DPP10: variants seen among roughly 807,000 people sequenced by gnomAD.
DPP10 encodes inactive dipeptidyl peptidase 10.
DPP10 carries 33 observed loss-of-function variants against 120.9 expected under a neutral mutation model. The observed-to-expected ratio is 0.27, with a 90% CI of 0.21 to 0.37. DPP10 has a LOEUF of 0.37. Among genes scored for constraint, DPP10 ranks in the 10% least tolerant of loss-of-function variants. The pLI is 1.00. For synonymous variants in DPP10, 337 were observed against 326.1 expected, an observed-to-expected ratio of 1.03 and a Z score of -0.36; for missense variants, 816 against 942.8, an observed-to-expected ratio of 0.87 and a Z score of 1.76.
At chr2:114,505,600 ACTC>A (rs1057379025) in intron 1 of DPP10, among the ~76,000 whole-genome samples, 2 of 151,980 alleles carry the variant, frequency 1.3e-5, no homozygotes, top group African/African-American at 4.8e-5. Context: ...CATGTCCTGA[ACTC>A]CTTCAAACTG....
chr2:115,484,295 T>A (rs2105295041), intron 3 of DPP10, among the ~76,000 whole-genome samples: 1 of 152,064 alleles, frequency 6.6e-6, no homozygotes, highest in Admixed American at 6.6e-5. Flanking sequence ...ATAAACATAG[T>A]TATTATGAAT....
chr2:114,610,580 A>G (rs1305160790), intron 1 of DPP10, among the ~76,000 whole-genome samples: 3 of 152,148 alleles, frequency 2.0e-5, no homozygotes, highest in Non-Finnish European at 4.4e-5. Flanking sequence ...GCTTACTTTA[A>G]GTAGCAGAAT....
intron 1 of DPP10, among the ~76,000 whole-genome samples, chr2:115,009,929 C>T (rs898642290): frequency 3.9e-5 from 6 of 152,082 alleles, no homozygotes; most frequent in Non-Finnish European, 5.9e-5. Context: ...ATGATAAGTA[C>T]TGTAACAGTG....
At chr2:114,499,226 T>C (rs1488478953) in intron 1 of DPP10, among the ~76,000 whole-genome samples, 1 of 152,184 alleles carries the variant, frequency 6.6e-6, no homozygotes, top group East Asian at 1.9e-4. Context: ...AATGACTGCT[T>C]AGATATGAGA....
At chr2:114,603,042 T>C (rs1268024321) in intron 1 of DPP10, among the ~76,000 whole-genome samples, 2 of 152,084 alleles carry the variant, frequency 1.3e-5, no homozygotes, top group Admixed American at 6.6e-5. Flanking sequence ...TAGACAGTCC[T>C]CATTGTCTGT....
intron 1 of DPP10, among the ~76,000 whole-genome samples, chr2:114,483,413 A>G (rs1211669632): frequency 2.0e-5 from 3 of 152,120 alleles, no homozygotes; most frequent in Non-Finnish European, 4.4e-5. Flanking sequence ...TGTTAAAACA[A>G]GTACCATAAA....
intron 1 of DPP10, among the ~76,000 whole-genome samples, chr2:115,169,507 G>A (rs188629767): frequency 4.0e-4 from 61 of 152,164 alleles, no homozygotes; most frequent in Middle Eastern, 6.8e-3. Context: ...ATTATAGGGC[G>A]TTAGATGAAA....
intron 1 of DPP10, among the ~76,000 whole-genome samples, chr2:114,771,829 G>A (rs1326173393): frequency 6.6e-6 from 1 of 152,070 alleles, no homozygotes; most frequent in African/African-American, 2.4e-5. Context: ...AAGTATAGGA[G>A]TCCCACGGCC....
At chr2:115,506,354 G>A (rs1032702620) in intron 4 of DPP10, among the ~76,000 whole-genome samples, 1 of 152,048 alleles carries the variant, frequency 6.6e-6, no homozygotes, top group Non-Finnish European at 1.5e-5. Flanking sequence ...GAGCTAGAAA[G>A]CATTTTCCCT....
At chr2:115,431,647 C>T (rs2070995423) in intron 3 of DPP10, among the ~76,000 whole-genome samples, 1 of 152,116 alleles carries the variant, frequency 6.6e-6, no homozygotes, top group Admixed American at 6.6e-5. Flanking sequence ...CTCCATTGTG[C>T]TAATCATATT....
intron 3 of DPP10, among the ~76,000 whole-genome samples, chr2:115,438,144 A>T (rs1009241547): frequency 1.3e-5 from 2 of 152,160 alleles, no homozygotes; most frequent in Admixed American, 6.6e-5. Flanking sequence ...GTTAAACATC[A>T]CTAACCATTA....
chr2:115,467,368 T>A (rs1307761423), intron 3 of DPP10, among the ~76,000 whole-genome samples: 1 of 151,982 alleles, frequency 6.6e-6, no homozygotes, highest in Non-Finnish European at 1.5e-5. Context: ...GAGACCAGCC[T>A]GGTCAAGAGA....
intron 1 of DPP10, among the ~76,000 whole-genome samples, chr2:114,785,523 T>C (rs1036789544): frequency 2.0e-5 from 3 of 152,178 alleles, no homozygotes; most frequent in South Asian, 2.1e-4. Context: ...CTTTGAGCCA[T>C]GTGAAGTGCA....
intron 1 of DPP10, among the ~76,000 whole-genome samples, chr2:114,761,879 G>T (rs556266768): frequency 4.3e-4 from 66 of 152,250 alleles, no homozygotes; most frequent in African/African-American, 1.4e-3. Flanking sequence ...GAAACCCATT[G>T]ATTTTTCATT....
At chr2:115,624,999 G>A (rs972621568) in intron 5 of DPP10, among the ~76,000 whole-genome samples, 2 of 151,488 alleles carry the variant, frequency 1.3e-5, no homozygotes, top group African/African-American at 4.9e-5. Context: ...TTTATTAAAG[G>A]TTAGTGTTCT....
At chr2:114,582,020 A>G (rs759695114) in intron 1 of DPP10, among the ~76,000 whole-genome samples, 16 of 152,192 alleles carry the variant, frequency 1.1e-4, no homozygotes, top group Non-Finnish European at 1.6e-4. Context: ...TGTACATTCT[A>G]TGGGTTTGGA....
At chr2:115,477,029 T>A (rs1839136) in intron 3 of DPP10, among the ~76,000 whole-genome samples, 4 of 152,034 alleles carry the variant, frequency 2.6e-5, no homozygotes, top group South Asian at 2.1e-4. Flanking sequence ...TATATTCTAA[T>A]CCACACATGA....
chr2:114,877,300 C>A (rs1016705679), intron 1 of DPP10, among the ~76,000 whole-genome samples: 8 of 151,982 alleles, frequency 5.3e-5, no homozygotes, highest in Non-Finnish European at 1.2e-4. Flanking sequence ...CACTTTCCTT[C>A]AATATTATTA....
intron 1 of DPP10, among the ~76,000 whole-genome samples, chr2:115,207,416 C>CA (rs57462947): frequency 0.055 from 2,896 of 52,242 alleles, 626 homozygotes; most frequent in African/African-American, 0.059. Flanking sequence ...CTTACTGCAC[C>CA]AAAAAAAAAA....
Sources: allele counts gnomAD v4.1 joint callset (sites outside exome capture counted in the v4.1 genomes callset), GRCh38; gene constraint gnomAD v4.1.1; transcripts MANE v1.5; gene names NCBI Gene and HGNC (gene_info 2026-07-23, HGNC 2026-07-21).